Variants in SUDS3 observed in about 807,000 individuals in gnomAD.
SUDS3 encodes sin3 histone deacetylase corepressor complex component SDS3.
In SUDS3, 23 loss-of-function variants were observed where a neutral mutation model predicts 53.5. The ratio of observed to expected loss-of-function variants is 0.43; its 90% CI spans 0.31 to 0.61. SUDS3 has a LOEUF of 0.61. Ranked by LOEUF, SUDS3 falls within the 20% of genes least tolerant of loss-of-function variation. The pLI is 0.10. For missense variants in SUDS3, 291 were observed against 405.9 expected (o/e 0.72, Z 2.43); for synonymous variants, 150 against 148.5 (o/e 1.01, Z -0.08).
chr12:118,384,798 C>T (rs778029981), intron 3 of SUDS3, among the ~76,000 whole-genome samples: 1 of 150,806 alleles, frequency 6.6e-6, no homozygotes, highest in Non-Finnish European at 1.5e-5. Context: ...TGCCACTGCA[C>T]TCCAGCATGG....
At chr12:118,379,468 G>A (rs1365338016) in intron 1 of SUDS3, among the ~76,000 whole-genome samples, 3 of 152,096 alleles carry the variant, frequency 2.0e-5, no homozygotes, top group Non-Finnish European at 4.4e-5. Flanking sequence ...GAAGATGTGC[G>A]TAGGTTATAT....
At chr12:118,390,280 T>C (rs768888023) in intron 5 of SUDS3, among the ~76,000 whole-genome samples, 3 of 152,236 alleles carry the variant, frequency 2.0e-5, no homozygotes, top group South Asian at 2.1e-4. Flanking sequence ...CTGAATTGGC[T>C]CAGCAGTTCT....
At chr12:118,404,192 C>A (rs1019226814) in intron 10 of SUDS3, 2 of 152,252 alleles carry the variant, frequency 1.3e-5, no homozygotes, top group Non-Finnish European at 2.9e-5. Flanking sequence ...CTCACTGCAA[C>A]CTCCGCCTTC....
chr12:118,413,933 C>T (rs2046379416), intron 11 of SUDS3, among the ~76,000 whole-genome samples: 1 of 152,116 alleles, frequency 6.6e-6, no homozygotes, highest in African/African-American at 2.4e-5. Context: ...TATGGAAGTC[C>T]CTTGGAGCAA....
At position 118,389,846 on chromosome 12, in the gene SUDS3, G is replaced by T. The variant is rs114496247; in HGVS notation, c.341-81G>T. On this transcript the variant is annotated intron_variant, in intron 4 of 11. Transcript: ENST00000543473. ...AACATGCTTTCAGAAAGCAATTACT[G>T]CTTCTAAATGAATGCTAACATCACT... The T allele has an allele frequency of 1.3e-3, 2,005 of 1,547,154 alleles. 24 individuals carry two copies. The African/African-American group carries it at 0.024, about 19-fold the overall frequency.
In SUDS3 at chr12:118,402,058, A is replaced by G. The variant is rs2046267836; in HGVS notation, c.697+54A>G. 9.4e-6 allele frequency: 15 copies of G among 1,604,220 alleles called. No homozygotes were observed. In the South Asian group the frequency reaches 1.2e-4, roughly 13 times the overall value. On this transcript the variant is annotated intron_variant, in intron 9 of 11. Coordinates refer to ENST00000543473, the MANE Select transcript of SUDS3 (RefSeq NM_022491.3). ...CAACCTTTTTATCATGTTGTTGGAAAAGGGTGTGAATACCTGTCAGGAAAT... is the reference window on the plus strand; with the variant it reads ...CAACCTTTTTATCATGTTGTTGGAAGAGGGTGTGAATACCTGTCAGGAAAT...
intron 6 of SUDS3, among the ~76,000 whole-genome samples, chr12:118,394,485 A>G (rs768971270): frequency 2.0e-4 from 31 of 152,152 alleles, no homozygotes; most frequent in Non-Finnish European, 4.3e-4. Context: ...CACCACTACT[A>G]CTGACTCTCT....
chr12:118,385,112 CTT>C (rs760926676), intron 3 of SUDS3, among the ~76,000 whole-genome samples: 3 of 143,744 alleles, frequency 2.1e-5, no homozygotes, highest in African/African-American at 2.5e-5. Context: ...TTTTGCTTTT[CTT>C]TTTTTTTTTT....
intron 10 of SUDS3, 86 bp downstream of exon 10, chr12:118,403,603 C>A: frequency 1.8e-6 from 2 of 1,083,926 alleles, no homozygotes; most frequent in Non-Finnish European, 2.8e-6. Context: ...TATTTCAGAT[C>A]ACGGCTGCTG....
At chr12:118,408,967 G>A (rs1039120035) in intron 10 of SUDS3, among the ~76,000 whole-genome samples, 1 of 152,062 alleles carries the variant, frequency 6.6e-6, no homozygotes, top group African/African-American at 2.4e-5. Flanking sequence ...GAGAAACAAG[G>A]GGAAGTGTTA....
chr12:118,380,302 A>C (rs1323125436), intron 2 of SUDS3, 71 bp downstream of exon 2: 2 of 1,336,584 alleles, frequency 1.5e-6, no homozygotes, highest in East Asian at 5.0e-5. Flanking sequence ...TGAGCATCCC[A>C]AATCTGAAAT....
At position 118,386,194 on chromosome 12, in the gene SUDS3, C is replaced by T. The variant is rs1566198236; in HGVS notation, c.340+9C>T. The T allele has an allele frequency of 6.3e-7, 1 of 1,587,908 alleles. No homozygotes were observed. Among genetic ancestry groups the T allele is most frequent in the East Asian group, 2.3e-5 (1 of 44,020 alleles). ...GAGGATACGGAATGCAGGTAAGGCT[C>T]CTTTAAATGGCAATGAATCATCTTT... On this transcript the variant is annotated intron_variant, in intron 4 of 11. Coordinates refer to ENST00000543473, the MANE Select transcript of SUDS3 (RefSeq NM_022491.3).
In SUDS3 at chr12:118,403,491, T is replaced by C. The variant is rs377336278; in HGVS notation, c.777T>C (p.Asp259=). The C allele has an allele frequency of 5.8e-5, 93 of 1,613,274 alleles. No individual in the cohort carries two copies. Among genetic ancestry groups the C allele is most frequent in the Non-Finnish European group, 7.8e-5 (92 of 1,179,698 alleles). Residue 259 remains aspartate (D), a synonymous_variant, in exon 10 of 12, where the codon GAT becomes GAC. Transcript: ENST00000543473. ...AGAGGTTCGAAGCTCGGATAGAAGATGGCAAACTGTACTATGACAAAAGAT... is the reference window on the plus strand; with the variant it reads ...AGAGGTTCGAAGCTCGGATAGAAGACGGCAAACTGTACTATGACAAAAGAT... ...PAQRFEARIE[D]GKLYYDKRWY... is the part of the protein sequence containing the mutation.
At chr12:118,382,201 GGCTGATTTTTTT>G (rs946425818) in intron 2 of SUDS3, among the ~76,000 whole-genome samples, 7 of 151,824 alleles carry the variant, frequency 4.6e-5, no homozygotes, top group African/African-American at 1.7e-4. Flanking sequence ...CACTACGCCT[GGCTGATTTTTTT>G]GTTGTTGTAT....
chr12:118,410,071 G>C (rs1351908465), intron 10 of SUDS3, among the ~76,000 whole-genome samples: 2 of 152,264 alleles, frequency 1.3e-5, no homozygotes, highest in African/African-American at 2.4e-5. Flanking sequence ...AACTTTGCCT[G>C]ATTAGCTGTT....
chr12:118,395,975 C>T (rs754266216), intron 6 of SUDS3, among the ~76,000 whole-genome samples: 1 of 152,108 alleles, frequency 6.6e-6, no homozygotes, highest in African/African-American at 2.4e-5. Context: ...CCACCGTGCC[C>T]AGCCCTAACA....
At chr12:118,401,533 A>G (rs566589535) in intron 7 of SUDS3, among the ~76,000 whole-genome samples, 1 of 152,358 alleles carries the variant, frequency 6.6e-6, no homozygotes, top group South Asian at 2.1e-4. Flanking sequence ...AATGAAGCTC[A>G]TTCCACCTTC....
chr12:118,390,071 T>G lies in SUDS3; in HGVS notation c.360+125T>G, dbSNP rs1593761191. ...TTGGAAGCCTTCACCACTGTTCTGT[T>G]TGACTTAAGGACATTTGGTCTCAGC... On this transcript the variant is annotated intron_variant, in intron 5 of 11. Coordinates refer to ENST00000543473, the MANE Select transcript of SUDS3 (RefSeq NM_022491.3). The G allele has an allele frequency of 6.7e-6, 8 of 1,199,148 alleles. No individual in the cohort carries two copies. In the East Asian group the frequency reaches 1.7e-4, roughly 25 times the overall value. The allele number at this position is 1,199,148 out of a possible 1,614,324, so 74.3% of individuals were successfully genotyped here.
chr12:118,401,632 C>A, intron 7 of SUDS3, 127 bp from the exon 8 acceptor site: 1 of 792,176 alleles, frequency 1.3e-6, no homozygotes, highest in Admixed American at 2.4e-5. Flanking sequence ...AAGAAGCAAA[C>A]TGTTACTGTA....
Sources: gnomAD v4.1 joint callset for allele counts (sites outside exome capture counted in the v4.1 genomes callset) on GRCh38, gnomAD v4.1.1 for gene constraint, MANE v1.5 for transcripts, NCBI Gene and HGNC (gene_info 2026-07-23, HGNC 2026-07-21) for gene names.